Variants in CSMD1 observed in about 807,000 individuals in gnomAD.
CSMD1 encodes the protein CUB and sushi domain-containing protein 1.
CSMD1 carries 213 observed loss-of-function variants against 417.5 expected under a neutral mutation model. The observed-to-expected ratio is 0.51, with a 90% CI of 0.46 to 0.57. The LOEUF is 0.57. Among genes scored for constraint, CSMD1 ranks in the 20% least tolerant of loss-of-function variants. The pLI, the probability that CSMD1 is intolerant of heterozygous loss-of-function variation, is 0.00. For missense variants in CSMD1, 6,923 were observed against 4,529.7 expected (o/e 1.53, Z -15.17); for synonymous variants, 2,862 against 1,736.8 (o/e 1.65, Z -16.11).
intron 3 of CSMD1, among the ~76,000 whole-genome samples, chr8:4,038,839 A>C (rs1797746478): frequency 1.3e-5 from 2 of 152,172 alleles, no homozygotes; most frequent in Admixed American, 1.3e-4. Flanking sequence ...CATGAAGCCA[A>C]ATTTGTACAT....
intron 3 of CSMD1, among the ~76,000 whole-genome samples, chr8:4,219,409 G>A (rs1416146436): frequency 6.6e-6 from 1 of 152,144 alleles, no homozygotes; most frequent in Non-Finnish European, 1.5e-5. Context: ...ATTAATTACA[G>A]AGCCTCCATG....
chr8:3,463,421 G>T (rs142661842), intron 12 of CSMD1, among the ~76,000 whole-genome samples: 1 of 152,224 alleles, frequency 6.6e-6, no homozygotes, highest in Non-Finnish European at 1.5e-5. Context: ...TAAACGCTTT[G>T]TGACAGTCAA....
chr8:3,466,916 AT>A (rs1816821030), intron 12 of CSMD1, among the ~76,000 whole-genome samples: 1 of 152,110 alleles, frequency 6.6e-6, no homozygotes, highest in African/African-American at 2.4e-5. Context: ...ATTTTTTAAA[AT>A]CCTCAAATGT....
intron 47 of CSMD1, among the ~76,000 whole-genome samples, chr8:3,093,767 C>A (rs1159066644): frequency 2.0e-5 from 3 of 152,038 alleles, no homozygotes; most frequent in Non-Finnish European, 4.4e-5. Context: ...CAAAAAACCA[C>A]AAACCAAAAC....
At chr8:3,062,828 G>A (rs1812673034) in intron 49 of CSMD1, among the ~76,000 whole-genome samples, 1 of 152,142 alleles carries the variant, frequency 6.6e-6, no homozygotes. Context: ...GGGGTAAATT[G>A]GCTGCTCAGC....
chr8:3,738,060 T>A (rs1482230385), intron 6 of CSMD1, among the ~76,000 whole-genome samples: 1 of 152,234 alleles, frequency 6.6e-6, no homozygotes, highest in Admixed American at 6.5e-5. Context: ...TTTCAAACAC[T>A]AATGTAAATG....
intron 3 of CSMD1, among the ~76,000 whole-genome samples, chr8:4,164,168 G>T (rs981258203): frequency 6.7e-6 from 1 of 149,124 alleles, no homozygotes; most frequent in East Asian, 2.0e-4. Context: ...TAGATTATAT[G>T]AGTTTAAGGA....
intron 7 of CSMD1, among the ~76,000 whole-genome samples, chr8:3,644,782 G>A (rs901513684): frequency 1.3e-5 from 2 of 151,876 alleles, no homozygotes; most frequent in African/African-American, 4.8e-5. Flanking sequence ...CTTGTAGAAA[G>A]CGTGCAGTTT....
intron 3 of CSMD1, among the ~76,000 whole-genome samples, chr8:4,273,399 C>G (rs1235381085): frequency 1.3e-5 from 2 of 152,062 alleles, no homozygotes; most frequent in African/African-American, 2.4e-5. Flanking sequence ...TATCAGATAA[C>G]CGGTGCAACC....
chr8:3,986,376 C>G (rs1057299168), intron 5 of CSMD1, among the ~76,000 whole-genome samples: 1 of 152,178 alleles, frequency 6.6e-6, no homozygotes, highest in Non-Finnish European at 1.5e-5. Context: ...CCCCAGCCAA[C>G]CTTCCTAACC....
chr8:4,042,472 G>C (rs974814924), intron 3 of CSMD1, among the ~76,000 whole-genome samples: 1 of 151,908 alleles, frequency 6.6e-6, no homozygotes, highest in Admixed American at 6.6e-5. Context: ...CAATATCACA[G>C]GGTAGAGAAA....
intron 6 of CSMD1, among the ~76,000 whole-genome samples, chr8:3,739,959 C>T (rs191617235): frequency 2.0e-5 from 3 of 152,202 alleles, no homozygotes; most frequent in East Asian, 1.9e-4. Context: ...TGCCAGAGTT[C>T]GATTCTCCTT....
In CSMD1 at chr8:2,965,817, T is replaced by C. The variant is rs767763182; in HGVS notation, c.9238A>G (p.Thr3080Ala). The C allele has an allele frequency of 1.7e-5, 28 of 1,610,700 alleles. 1 individual carries two copies. Among genetic ancestry groups the C allele is most frequent in the Middle Eastern group, 1.6e-4 (1 of 6,082 alleles). ...EAVTSATIRCTKDGRWNPSKP... is the reference protein window; with the variant it reads ...EAVTSATIRCAKDGRWNPSKP... ...CTCGGATTCCACCTGCCGTCTTTGG[T>C]ACAGCGAATAGTGGCGGATGTGACT... is the stretch of plus-strand genomic sequence containing the variant. Residue 3080 changes from threonine (T) to alanine (A), a missense_variant, in exon 59 of 70, where the codon ACC (threonine) becomes GCC (alanine). Coordinates refer to ENST00000635120, the MANE Select transcript of CSMD1 (RefSeq NM_033225.6).
At chr8:4,325,344 T>C (rs1313792648) in intron 3 of CSMD1, among the ~76,000 whole-genome samples, 2 of 152,160 alleles carry the variant, frequency 1.3e-5, no homozygotes, top group Non-Finnish European at 2.9e-5. Context: ...GAGGGTTCTC[T>C]TGTCTAGGAA....
At position 3,983,290 on chromosome 8, in the gene CSMD1, C is replaced by T. The variant is rs369905765; in HGVS notation, c.818+14613G>A. Among the ~76,000 whole-genome samples the T allele has an allele frequency of 2.5e-3, 380 of 152,164 alleles. 1 individual carries two copies. Among genetic ancestry groups the T allele is most frequent in the African/African-American group, 8.6e-3 (357 of 41,478 alleles). ...GGACTACAGGCGCCCACCACCACGC[C>T]CGGCTAATTTTTTGTATTTTTAGTA... On this transcript the variant is annotated intron_variant, in intron 5 of 69. Transcript: ENST00000635120.
At chr8:4,312,728 G>A (rs1032208906) in intron 3 of CSMD1, among the ~76,000 whole-genome samples, 1 of 152,008 alleles carries the variant, frequency 6.6e-6, no homozygotes, top group Non-Finnish European at 1.5e-5. Context: ...GAAAAAATGA[G>A]CCAGGCGTGG....
At chr8:3,700,097 G>T (rs1236012692) in intron 7 of CSMD1, among the ~76,000 whole-genome samples, 2 of 152,138 alleles carry the variant, frequency 1.3e-5, no homozygotes, top group Non-Finnish European at 2.9e-5. Flanking sequence ...GGGCTCTGTG[G>T]ACGTTGGGGG....
chr8:3,341,894 G>C (rs1807681012), intron 23 of CSMD1, among the ~76,000 whole-genome samples: 1 of 152,054 alleles, frequency 6.6e-6, no homozygotes, highest in African/African-American at 2.4e-5. Flanking sequence ...AAAATACATT[G>C]AACATCTCGA....
chr8:3,320,773 G>C (rs1806099928), intron 23 of CSMD1, among the ~76,000 whole-genome samples: 1 of 152,126 alleles, frequency 6.6e-6, no homozygotes, highest in Non-Finnish European at 1.5e-5. Context: ...CATCCTCTCT[G>C]GGCTTATTCC....
Sources: gnomAD v4.1 joint callset for allele counts (sites outside exome capture counted in the v4.1 genomes callset) on GRCh38, gnomAD v4.1.1 for gene constraint, MANE v1.5 for transcripts, NCBI Gene and HGNC (gene_info 2026-07-23, HGNC 2026-07-21) for gene names.